DMD: variants seen among roughly 807,000 people sequenced by gnomAD.
DMD encodes dystrophin, also known as mutant dystrophin.
DMD carries 63 observed loss-of-function variants against 330.1 expected under a neutral mutation model. The ratio of observed to expected loss-of-function variants is 0.19; its 90% CI spans 0.16 to 0.24. The LOEUF (loss-of-function observed/expected upper bound fraction) is 0.24, where lower values mean the gene tolerates loss of function less well. DMD is among the 10% of genes least tolerant of loss of function. The pLI, the probability that DMD is intolerant of heterozygous loss-of-function variation, is 1.00. For missense variants in DMD, 3,344 were observed against 2,684.1 expected (o/e 1.25, Z -5.43); for synonymous variants, 1,223 against 959.8 (o/e 1.27, Z -5.07).
At chrX:31,612,216 G>A (rs941271040) in intron 55 of DMD, among the ~76,000 whole-genome samples, 1 of 111,019 alleles carries the variant, frequency 9.0e-6, no homozygotes, top group African/African-American at 3.3e-5. Flanking sequence ...TCATACCAGT[G>A]GAATCATACA....
intron 11 of DMD, chrX:32,641,407 C>CATATATAT (rs1569366795): frequency 3.3e-4 from 21 of 63,186 alleles, no homozygotes; most frequent in African/African-American, 1.3e-3. Context: ...GTATTTTATA[C>CATATATAT]GTATATATAT....
intron 7 of DMD, among the ~76,000 whole-genome samples, chrX:32,736,370 G>T (rs1379846587): frequency 1.8e-5 from 2 of 111,337 alleles, no homozygotes; most frequent in Non-Finnish European, 3.8e-5. Context: ...ATTCCTCAGG[G>T]ATCTAGAACT....
intron 38 of DMD, among the ~76,000 whole-genome samples, chrX:32,348,117 G>A (rs886991591): frequency 3.6e-5 from 4 of 110,548 alleles, no homozygotes; most frequent in Non-Finnish European, 7.6e-5. Flanking sequence ...TTTATGATTC[G>A]ACTCTTTTTT....
chrX:31,729,996 C>A lies in DMD; in HGVS notation c.7543-248G>T, dbSNP rs1345495226. On this transcript the variant is annotated intron_variant, in intron 51 of 78. Transcript: ENST00000357033. ...ATTTAAAGGCTCAAATGGAGACATT[C>A]CGGAGTACCTCGGATTACTTAAACC... Among the ~76,000 whole-genome samples, 4 of 111,887 alleles carry A rather than the reference C, an allele frequency of 3.6e-5. No homozygotes were observed. The South Asian group carries it at 1.1e-3, about 31-fold the overall frequency.
At chrX:32,494,787 T>A (rs2043324968) in intron 19 of DMD, among the ~76,000 whole-genome samples, 1 of 111,417 alleles carries the variant, frequency 9.0e-6, no homozygotes, top group Admixed American at 9.6e-5. Flanking sequence ...TTAATAATAC[T>A]ATTTTAAAAT....
At chrX:32,652,217 T>C (rs1240204991) in intron 9 of DMD, among the ~76,000 whole-genome samples, 1 of 109,928 alleles carries the variant, frequency 9.1e-6, no homozygotes, top group Non-Finnish European at 1.9e-5. Flanking sequence ...ACATGTGCCA[T>C]GATGGTGTGC....
intron 54 of DMD, among the ~76,000 whole-genome samples, chrX:31,639,293 T>C (rs1473817412): frequency 8.9e-6 from 1 of 111,749 alleles, no homozygotes; most frequent in Non-Finnish European, 1.9e-5. Flanking sequence ...AGACTTCTTA[T>C]ACAACAAAGA....
chrX:32,742,056 C>T (rs1369894725), intron 7 of DMD, among the ~76,000 whole-genome samples: 2 of 111,542 alleles, frequency 1.8e-5, no homozygotes, highest in African/African-American at 6.5e-5. Context: ...TCAATCCCAA[C>T]TAATGACCTG....
chrX:32,390,465 C>T (rs910746809), intron 30 of DMD, among the ~76,000 whole-genome samples: 2 of 109,172 alleles, frequency 1.8e-5, no homozygotes, highest in African/African-American at 6.6e-5. Flanking sequence ...ATGAAAAAAG[C>T]AATAATCATT....
Position 31,451,610 on chromosome X carries a change from T to C in DMD, c.8938-6983A>G, listed in dbSNP as rs113943222. On this transcript the variant is annotated intron_variant, in intron 59 of 78. Coordinates refer to ENST00000357033, the MANE Select transcript of DMD (RefSeq NM_004006.3). The stretch of plus-strand genomic sequence containing the variant: ...AGGAGACTTCTTAAGTGAATTTTCA[T>C]TACTAACACTATGGGGCTATTTCAT... 7.8e-3 allele frequency among the ~76,000 whole-genome samples: 857 copies of C among 110,510 alleles called. 9 individuals are homozygous for C. Among genetic ancestry groups the C allele is most frequent in the African/African-American group, 0.027 (809 of 30,388 alleles).
At chrX:31,976,789 T>G (rs898374620) in intron 44 of DMD, among the ~76,000 whole-genome samples, 3 of 111,900 alleles carry the variant, frequency 2.7e-5, no homozygotes. Flanking sequence ...TTCTATTCTG[T>G]GTTCACAAGA....
Position 33,333,366 on chromosome X carries a change from C to T in DMD, c.7+5893G>A, listed in dbSNP as rs759604301. The stretch of plus-strand genomic sequence containing the variant: ...ACTTTTTCTCAATTGCCTCTTTTGC[C>T]TTTCCTCAGTTTTATAGTCTTCAGT... On this transcript the variant is annotated intron_variant, in intron 1 of 17. Coordinates refer to the DMD transcript ENST00000288447. Among the ~76,000 whole-genome samples, 6 of 111,311 alleles carry T rather than the reference C, an allele frequency of 5.4e-5. No individual in the cohort carries two copies. In the East Asian group the frequency reaches 1.7e-3, roughly 31 times the overall value.
intron 4 of DMD, among the ~76,000 whole-genome samples, chrX:32,844,479 C>T (rs2080475660): frequency 9.1e-6 from 1 of 110,268 alleles, no homozygotes; most frequent in East Asian, 2.9e-4. Context: ...GAAAAGAAAC[C>T]GAGTTGACTG....
intron 48 of DMD, among the ~76,000 whole-genome samples, chrX:31,852,527 A>C (rs1304751691): frequency 9.0e-6 from 1 of 111,164 alleles, no homozygotes; most frequent in Non-Finnish European, 1.9e-5. Context: ...TCCTAGCATG[A>C]ATTGACTATT....
intron 9 of DMD, among the ~76,000 whole-genome samples, chrX:32,678,766 T>C (rs2147286179): frequency 8.9e-6 from 1 of 111,940 alleles, no homozygotes; most frequent in South Asian, 3.7e-4. Flanking sequence ...AAGAGAAAAT[T>C]TGACTGGTCA....
chrX:32,440,562 C>A (rs1268506399), intron 28 of DMD, among the ~76,000 whole-genome samples: 2 of 111,054 alleles, frequency 1.8e-5, no homozygotes, highest in African/African-American at 6.5e-5. Context: ...ATAGATAAGT[C>A]AAAAGTACAC....
At chrX:31,819,797 G>C (rs1484986045) in intron 50 of DMD, among the ~76,000 whole-genome samples, 178 bp downstream of exon 50, 1 of 113,136 alleles carries the variant, frequency 8.8e-6, no homozygotes, top group Non-Finnish European at 1.9e-5. Flanking sequence ...GCAACACTTT[G>C]AATCAGAGTC....
chrX:31,321,418 C>G (rs1203687569), intron 62 of DMD, among the ~76,000 whole-genome samples: 1 of 107,667 alleles, frequency 9.3e-6, no homozygotes, highest in Non-Finnish European at 1.9e-5. Flanking sequence ...AACCTCGTCT[C>G]TACTAAAAAT....
At chrX:32,990,978 T>G (rs1286266955) in intron 2 of DMD, among the ~76,000 whole-genome samples, 1 of 111,366 alleles carries the variant, frequency 9.0e-6, no homozygotes, top group Non-Finnish European at 1.9e-5. Flanking sequence ...TATTCCGTAA[T>G]CAGACAACCT....
Sources: allele counts gnomAD v4.1 joint callset (sites outside exome capture counted in the v4.1 genomes callset), GRCh38; gene constraint gnomAD v4.1.1; transcripts MANE v1.5; gene names NCBI Gene and HGNC (gene_info 2026-07-23, HGNC 2026-07-21).